Variants in NRF1 observed in about 807,000 individuals in gnomAD.
The protein encoded by NRF1 is alpha palindromic-binding protein.
NRF1 carries 5 observed loss-of-function variants against 58.5 expected under a neutral mutation model. The ratio of observed to expected loss-of-function variants is 0.09; its 90% CI spans 0.04 to 0.18. The LOEUF is 0.18. Among genes scored for constraint, NRF1 ranks in the 10% least tolerant of loss-of-function variants. The pLI, the probability that NRF1 is intolerant of heterozygous loss-of-function variation, is 1.00. For synonymous variants in NRF1, 224 were observed against 246.7 expected (o/e 0.91, Z 0.86); for missense variants, 288 against 657.7 (o/e 0.44, Z 6.15).
At chr7:129,726,411 A>G (rs765257580) in intron 9 of NRF1, among the ~76,000 whole-genome samples, 10 of 152,252 alleles carry the variant, frequency 6.6e-5, no homozygotes, top group African/African-American at 2.2e-4. Flanking sequence ...TTATGCACAT[A>G]GTAAAAGCAT....
chr7:129,635,724 C>G (rs1213886432), intron 1 of NRF1, among the ~76,000 whole-genome samples: 1 of 152,160 alleles, frequency 6.6e-6, no homozygotes, highest in African/African-American at 2.4e-5. Context: ...GCCCACGTCT[C>G]CAGTGCCCCC....
At chr7:129,666,618 G>C (rs141222601) in intron 2 of NRF1, among the ~76,000 whole-genome samples, 3,729 of 152,212 alleles carry the variant, frequency 0.024, 54 homozygotes, top group Middle Eastern at 0.075. Context: ...TGCAACCTCT[G>C]CCTCCTGGGT....
chr7:129,707,149 G>C (rs570183132), intron 5 of NRF1, among the ~76,000 whole-genome samples: 4 of 152,054 alleles, frequency 2.6e-5, no homozygotes, highest in Admixed American at 2.6e-4. Context: ...ACGTGCCACT[G>C]TAACCGACTG....
At chr7:129,745,653 C>G (rs1182861071) in intron 10 of NRF1, among the ~76,000 whole-genome samples, 1 of 152,136 alleles carries the variant, frequency 6.6e-6, no homozygotes, top group Non-Finnish European at 1.5e-5. Flanking sequence ...TTAAAGCCTT[C>G]TTGGCAGGGT....
At chr7:129,677,536 C>A in intron 3 of NRF1, 96 bp from the exon 4 acceptor site, 1 of 1,121,888 alleles carries the variant, frequency 8.9e-7, no homozygotes, top group Non-Finnish European at 1.3e-6. Flanking sequence ...AAGAGCATAT[C>A]TGATCAGAAT....
At chr7:129,703,997 G>C (rs1047201812) in intron 5 of NRF1, among the ~76,000 whole-genome samples, 1 of 151,388 alleles carries the variant, frequency 6.6e-6, no homozygotes, top group African/African-American at 2.4e-5. Flanking sequence ...TCTAATTATG[G>C]TTACCCTTTT....
Position 129,755,442 on chromosome 7 carries a change from G to A in NRF1, c.*261G>A, listed in dbSNP as rs141846179. The A allele has an allele frequency of 2.3e-5, 9 of 383,964 alleles. No individual in the cohort carries two copies. Among genetic ancestry groups the A allele is most frequent in the Admixed American group, 1.8e-4 (4 of 22,056 alleles). 23.8% of individuals were successfully genotyped at this position (383,964 alleles called of 1,614,324 possible). A position where few individuals can be genotyped will look rare whatever the true frequency, so the allele number is the denominator to read the frequency against. On this transcript the variant is annotated 3_prime_UTR_variant, in exon 11 of 11. Coordinates refer to ENST00000393232, the MANE Select transcript of NRF1 (RefSeq NM_005011.5). This position sits in a 1 kb window ranked among gnomAD's most constrained non-coding sequence, Gnocchi z 5.8. ...AAATTGTGGCAGGACTTCTTTCTGC[G>A]GAAATGTGTGTGTATACTTATGTGT... is the stretch of plus-strand genomic sequence containing the variant.
intron 10 of NRF1, among the ~76,000 whole-genome samples, chr7:129,736,566 C>T (rs925069266): frequency 4.6e-5 from 7 of 152,096 alleles, no homozygotes; most frequent in Non-Finnish European, 8.8e-5. Flanking sequence ...TATTCTTAAC[C>T]TGGGGTCTAT....
intron 10 of NRF1, among the ~76,000 whole-genome samples, chr7:129,730,113 C>CTT (rs1350449113): frequency 6.6e-6 from 1 of 152,250 alleles, no homozygotes; most frequent in Admixed American, 6.5e-5. Context: ...GCGTAAGCCA[C>CTT]TGTGCCGGGC....
intron 1 of NRF1, among the ~76,000 whole-genome samples, chr7:129,639,869 G>A (rs1396797657): frequency 6.6e-6 from 1 of 152,154 alleles, no homozygotes; most frequent in Non-Finnish European, 1.5e-5. Context: ...TTTAAAAAAA[G>A]TAATATTTTT....
At chr7:129,702,752 A>G (rs1802855945) in intron 5 of NRF1, among the ~76,000 whole-genome samples, 1 of 152,164 alleles carries the variant, frequency 6.6e-6, no homozygotes, top group African/African-American at 2.4e-5. Context: ...ACCTTTCAAC[A>G]TGGTTTGCTT....
chr7:129,716,009 C>CAAA (rs759465047), intron 8 of NRF1, among the ~76,000 whole-genome samples: 1 of 97,310 alleles, frequency 1.0e-5, no homozygotes, highest in African/African-American at 4.3e-5. Flanking sequence ...CCGTCTCCAA[C>CAAA]AACAAAAAAA....
At chr7:129,721,033 TA>T (rs1210805201) in intron 9 of NRF1, among the ~76,000 whole-genome samples, 1 of 151,760 alleles carries the variant, frequency 6.6e-6, no homozygotes, top group African/African-American at 2.4e-5. Context: ...TATATGTATA[TA>T]AAAAATAGCT....
intron 5 of NRF1, among the ~76,000 whole-genome samples, chr7:129,699,525 T>A (rs1322687620): frequency 6.6e-6 from 1 of 151,432 alleles, no homozygotes; most frequent in Non-Finnish European, 1.5e-5. Flanking sequence ...ACCAGCCTCA[T>A]CAACATGGTG....
At chr7:129,657,719 C>A in intron 2 of NRF1, 145 bp downstream of exon 2, 1 of 607,786 alleles carries the variant, frequency 1.6e-6, no homozygotes, top group Non-Finnish European at 2.9e-6. Context: ...AAGTGATTCT[C>A]CCATCTCAGC....
intron 9 of NRF1, among the ~76,000 whole-genome samples, chr7:129,726,032 G>A (rs1214575722): frequency 1.3e-5 from 2 of 152,152 alleles, no homozygotes; most frequent in Non-Finnish European, 2.9e-5. Flanking sequence ...ATTAGTCCCT[G>A]TCCCCTTACC....
intron 10 of NRF1, among the ~76,000 whole-genome samples, chr7:129,740,955 A>G (rs999397847): frequency 6.6e-6 from 1 of 152,118 alleles, no homozygotes; most frequent in Non-Finnish European, 1.5e-5. Context: ...AGCCATGACC[A>G]TGTCCTTCAG....
At chr7:129,634,127 T>C (rs1303741875) in intron 1 of NRF1, among the ~76,000 whole-genome samples, 2 of 150,538 alleles carry the variant, frequency 1.3e-5, no homozygotes, top group African/African-American at 4.9e-5. Flanking sequence ...AAAAATTGAG[T>C]GGAGAGTATG....
intron 1 of NRF1, among the ~76,000 whole-genome samples, chr7:129,626,878 G>T (rs956392890): frequency 6.6e-6 from 1 of 152,212 alleles, no homozygotes; most frequent in Non-Finnish European, 1.5e-5. Flanking sequence ...CATTGCTAAA[G>T]TAACAAATGT....
Sources: gnomAD v4.1 joint callset for allele counts (sites outside exome capture counted in the v4.1 genomes callset) on GRCh38, gnomAD v4.1.1 for gene constraint, Gnocchi (gnomAD v3.1) non-coding constraint, MANE v1.5 for transcripts, NCBI Gene and HGNC (gene_info 2026-07-23, HGNC 2026-07-21) for gene names.